Variants in PDS5A observed in about 807,000 individuals in gnomAD.
PDS5A encodes PDS5 cohesin associated factor A.
A neutral mutation model predicts 167.1 loss-of-function variants in PDS5A; 42 were observed. The ratio of observed to expected loss-of-function variants is 0.25; its 90% CI spans 0.20 to 0.33. The LOEUF (loss-of-function observed/expected upper bound fraction) is 0.33. Among genes scored for constraint, PDS5A ranks in the 10% least tolerant of loss-of-function variants. PDS5A has a pLI of 1.00. For synonymous variants in PDS5A, 553 were observed against 554.6 expected, an observed-to-expected ratio of 1.00 and a Z score of 0.04; for missense variants, 1,033 against 1,605.9, an observed-to-expected ratio of 0.64 and a Z score of 6.10.
intron 2 of PDS5A, among the ~76,000 whole-genome samples, chr4:39,975,569 G>A (rs1040829055): frequency 6.6e-6 from 1 of 152,122 alleles, no homozygotes; most frequent in Non-Finnish European, 1.5e-5. Flanking sequence ...AGCCCTACCT[G>A]AAGATTTCAA....
intron 2 of PDS5A, among the ~76,000 whole-genome samples, chr4:39,939,319 T>C (rs1449430365): frequency 6.6e-6 from 1 of 151,812 alleles, no homozygotes; most frequent in Admixed American, 6.6e-5. Flanking sequence ...AAATAAAAAT[T>C]AGCTGTGCAT....
intron 5 of PDS5A, 30 bp downstream of exon 5, chr4:39,925,806 A>T: frequency 1.2e-6 from 1 of 850,276 alleles, no homozygotes; most frequent in Non-Finnish European, 1.8e-6. Flanking sequence ...AGAAAAAGAG[A>T]CAAACAGAAA....
chr4:39,898,839 C>G lies in PDS5A; in HGVS notation c.1582-14G>C, dbSNP rs775783961. ...GTTAGCCTCTGACTGAAATTTAAAA[C>G]AGAAACAAAAGAACAACTAGTCATA... On this transcript the variant is annotated splice_polypyrimidine_tract_variant and intron_variant, in intron 14 of 32. Coordinates refer to ENST00000303538, the MANE Select transcript of PDS5A (RefSeq NM_001100399.2). 2 of 1,571,698 alleles carry G rather than the reference C, an allele frequency of 1.3e-6. No homozygotes were observed. The highest frequency in any genetic ancestry group is 1.3e-5 in the African/African-American group (1 of 74,298).
chr4:39,947,370 G>GA (rs1727876312), intron 2 of PDS5A, among the ~76,000 whole-genome samples: 1 of 151,870 alleles, frequency 6.6e-6, no homozygotes, highest in South Asian at 2.1e-4. Flanking sequence ...CAGATAACTT[G>GA]AACCGGGAGG....
chr4:39,865,552 T>C (rs1181102481), intron 23 of PDS5A, among the ~76,000 whole-genome samples: 2 of 152,236 alleles, frequency 1.3e-5, no homozygotes, highest in East Asian at 3.8e-4. Flanking sequence ...AGCATAGCAG[T>C]ACCACATAAC....
At position 39,962,138 on chromosome 4, in the gene PDS5A, A is replaced by T. The variant is rs150197533; in HGVS notation, c.138+14302T>A. On this transcript the variant is annotated intron_variant, in intron 2 of 32. Coordinates refer to ENST00000303538, the MANE Select transcript of PDS5A (RefSeq NM_001100399.2). ...AGTGGCACAATCTCAGCTCACTGCA[A>T]GCTCCGCCTCCCGGGTTCACGGCAT... Among the ~76,000 whole-genome samples, 278 of 152,214 alleles carry T rather than the reference A, an allele frequency of 1.8e-3. 3 individuals carry two copies. The highest frequency in any genetic ancestry group is 6.5e-3 in the African/African-American group (270 of 41,538).
chr4:39,867,150 AAT>A lies in PDS5A; in HGVS notation c.2506-155_2506-154del. ...GATAATAACAGCAACAATACGAACT[AAT>A]ATTTACTCTGTGCTTAACCAGTGCC... On this transcript the variant is annotated intron_variant, in intron 22 of 32. Coordinates refer to ENST00000303538, the MANE Select transcript of PDS5A (RefSeq NM_001100399.2). 1.0e-5 allele frequency: 6 copies of A among 583,444 alleles called. No homozygotes were observed. The South Asian group carries it at 1.8e-4, about 18-fold the overall frequency. 36.1% of individuals were successfully genotyped at this position (583,444 alleles called of 1,614,324 possible). A position where few individuals can be genotyped will look rare whatever the true frequency, so the allele number is the denominator to read the frequency against.
intron 2 of PDS5A, among the ~76,000 whole-genome samples, chr4:39,970,790 C>CTTTT (rs35223238): frequency 0.014 from 1,235 of 88,478 alleles, 41 homozygotes; most frequent in Non-Finnish European, 0.021. Context: ...CCGCTTGTTC[C>CTTTT]TTTTTTTTTT....
chr4:39,872,843 T>C, intron 21 of PDS5A, 143 bp downstream of exon 21: 1 of 456,274 alleles, frequency 2.2e-6, no homozygotes, highest in Non-Finnish European at 3.7e-6. Context: ...AGTTTCGAAT[T>C]TAAATAAATA....
At chr4:39,913,584 A>G (rs776884399) in intron 9 of PDS5A, 27 bp downstream of exon 9, 12 of 1,244,512 alleles carry the variant, frequency 9.6e-6, no homozygotes, top group Non-Finnish European at 1.4e-5. Context: ...TCTAAAATAT[A>G]AACATCAGAA....
intron 30 of PDS5A, among the ~76,000 whole-genome samples, chr4:39,843,455 C>G (rs1717247636): frequency 6.6e-6 from 1 of 152,054 alleles, no homozygotes; most frequent in African/African-American, 2.4e-5. Context: ...CATTTTGGGC[C>G]AGGCGTGATG....
chr4:39,962,365 G>A (rs186450748), intron 2 of PDS5A, among the ~76,000 whole-genome samples: 6 of 152,148 alleles, frequency 3.9e-5, no homozygotes, highest in African/African-American at 1.4e-4. Flanking sequence ...CTCTTCCTGA[G>A]TTTTTAAGGA....
rs527617581 is a variant in PDS5A at position 39,893,745 on chromosome 4, C to G, written c.1771-3381G>C. 7.9e-5 allele frequency among the ~76,000 whole-genome samples: 12 copies of G among 152,312 alleles called. No individual in the cohort carries two copies. The South Asian group carries it at 2.5e-3, about 32-fold the overall frequency. On this transcript the variant is annotated intron_variant, in intron 16 of 32. Coordinates refer to ENST00000303538, the MANE Select transcript of PDS5A (RefSeq NM_001100399.2). ...TTCATGTGTGCCTAAGGGAGGTATT[C>G]TAAGTCCCACTTTACGTATGAGAAC...
intron 2 of PDS5A, among the ~76,000 whole-genome samples, chr4:39,953,124 G>A (rs2679782): frequency 3.3e-5 from 5 of 152,200 alleles, no homozygotes; most frequent in Middle Eastern, 3.4e-3. Flanking sequence ...TCCTTAAAAC[G>A]CTTGGTCAGC....
At chr4:39,924,694 A>G (rs1022124406) in intron 5 of PDS5A, among the ~76,000 whole-genome samples, 1 of 152,268 alleles carries the variant, frequency 6.6e-6, no homozygotes, top group African/African-American at 2.4e-5. Context: ...TATATTATCA[A>G]TATGAATTTC....
Position 39,832,004 on chromosome 4 carries a change from C to T in PDS5A, c.4010+5852G>A, listed in dbSNP as rs1400104493. ...TGGCGCACATCTGCAGTCCCAGCTGCTCCGGAGGATGAGGCACAAGAATCC... is the reference window on the plus strand; with the variant it reads ...TGGCGCACATCTGCAGTCCCAGCTGTTCCGGAGGATGAGGCACAAGAATCC... On this transcript the variant is annotated intron_variant, in intron 32 of 32. Coordinates refer to ENST00000303538, the MANE Select transcript of PDS5A (RefSeq NM_001100399.2). Among the ~76,000 whole-genome samples, 3 of 149,986 alleles carry T rather than the reference C, an allele frequency of 2.0e-5. No homozygotes were observed. The East Asian group carries it at 6.0e-4, about 30-fold the overall frequency.
chr4:39,884,862 A>G lies in PDS5A; in HGVS notation c.1887-5029T>C, dbSNP rs146488480. On this transcript the variant is annotated intron_variant, in intron 17 of 32. Transcript: ENST00000303538. ...TACTTCATTTTCATCTACTTCCTAT[A>G]GACCATTAACTAACTGTAGCACACA... Among the ~76,000 whole-genome samples, 313 of 152,300 alleles carry G rather than the reference A, an allele frequency of 2.1e-3. 1 individual carries two copies. Among genetic ancestry groups the G allele is most frequent in the Middle Eastern group, 0.02 (6 of 294 alleles).
At chr4:39,951,407 T>G (rs1332249355) in intron 2 of PDS5A, among the ~76,000 whole-genome samples, 1 of 152,210 alleles carries the variant, frequency 6.6e-6, no homozygotes, top group Non-Finnish European at 1.5e-5. Flanking sequence ...TGTCTCAAAA[T>G]CAGCAGTTTT....
At chr4:39,911,789 G>A (rs989127746) in intron 9 of PDS5A, among the ~76,000 whole-genome samples, 1 of 147,552 alleles carries the variant, frequency 6.8e-6, no homozygotes, top group Non-Finnish European at 1.5e-5. Flanking sequence ...CAGAGATCGC[G>A]CCACTGCACT....
Sources: gnomAD v4.1 joint callset for allele counts (sites outside exome capture counted in the v4.1 genomes callset) on GRCh38, gnomAD v4.1.1 for gene constraint, MANE v1.5 for transcripts, NCBI Gene and HGNC (gene_info 2026-07-23, HGNC 2026-07-21) for gene names.